Variants in MAPK4 observed in about 807,000 individuals in gnomAD.
MAPK4 encodes the protein Erk3-related.
A neutral mutation model predicts 47.7 loss-of-function variants in MAPK4; 22 were observed. The ratio of observed to expected loss-of-function variants is 0.46; its 90% CI spans 0.33 to 0.66. MAPK4 has a LOEUF of 0.66. Ranked by LOEUF, MAPK4 falls within the 30% of genes least tolerant of loss-of-function variation. MAPK4 has a pLI of 0.02. For missense variants in MAPK4, 736 were observed against 831.7 expected (o/e 0.88, Z 1.42); for synonymous variants, 390 against 365.7 (o/e 1.07, Z -0.76).
intron 1 of MAPK4, among the ~76,000 whole-genome samples, chr18:50,578,823 G>A (rs1198729042): frequency 2.0e-5 from 3 of 152,134 alleles, no homozygotes; most frequent in East Asian, 1.9e-4. Flanking sequence ...GGGCTTTCAG[G>A]GGACAAACAT....
intron 1 of MAPK4, among the ~76,000 whole-genome samples, chr18:50,624,094 T>G (rs1214295252): frequency 1.3e-5 from 2 of 152,280 alleles, no homozygotes; most frequent in East Asian, 3.8e-4. Flanking sequence ...GCTGATTTTA[T>G]TTTATCTCTG....
intron 1 of MAPK4, among the ~76,000 whole-genome samples, chr18:50,612,055 A>G (rs1238112742): frequency 2.0e-5 from 3 of 152,228 alleles, no homozygotes; most frequent in Non-Finnish European, 4.4e-5. Flanking sequence ...CTAGTACCCT[A>G]GAAGACTTCT....
At chr18:50,644,637 A>G (rs575754904) in intron 1 of MAPK4, among the ~76,000 whole-genome samples, 7 of 152,292 alleles carry the variant, frequency 4.6e-5, no homozygotes, top group Non-Finnish European at 7.3e-5. Flanking sequence ...AGTGATGCCT[A>G]ACATTTATAA....
chr18:50,632,946 C>CTAAAAACACAATGCTA (rs370818902), intron 1 of MAPK4, among the ~76,000 whole-genome samples: 3 of 80,460 alleles, frequency 3.7e-5, no homozygotes, highest in South Asian at 3.3e-4. Flanking sequence ...TACCGCTGTG[C>CTAAAAACACAATGCTA]TAAAAACACA....
At chr18:50,638,951 C>T (rs929118924) in intron 1 of MAPK4, among the ~76,000 whole-genome samples, 4 of 152,276 alleles carry the variant, frequency 2.6e-5, no homozygotes, top group East Asian at 3.9e-4. Flanking sequence ...AACAGCAGAG[C>T]CAGGGTTCCA....
At chr18:50,607,667 C>G (rs957329499) in intron 1 of MAPK4, among the ~76,000 whole-genome samples, 3 of 152,196 alleles carry the variant, frequency 2.0e-5, no homozygotes, top group African/African-American at 7.2e-5. Context: ...TCCTTAGGAA[C>G]CACTCTCAGT....
intron 1 of MAPK4, among the ~76,000 whole-genome samples, chr18:50,582,098 G>T (rs977816520): frequency 6.6e-6 from 1 of 152,190 alleles, no homozygotes; most frequent in Non-Finnish European, 1.5e-5. Flanking sequence ...CTGGCTGCTT[G>T]TTGGAGCAAC....
intron 1 of MAPK4, among the ~76,000 whole-genome samples, chr18:50,616,860 T>C (rs1430523001): frequency 6.6e-6 from 1 of 152,176 alleles, no homozygotes; most frequent in East Asian, 1.9e-4. Context: ...CCTTTCCCGG[T>C]TCCCTGACTC....
intron 1 of MAPK4, among the ~76,000 whole-genome samples, chr18:50,585,829 G>A (rs1457737798): frequency 1.3e-5 from 2 of 152,204 alleles, no homozygotes; most frequent in African/African-American, 4.8e-5. Context: ...TCTTCACATG[G>A]TGGTAGGAAG....
intron 2 of MAPK4, among the ~76,000 whole-genome samples, chr18:50,698,612 C>A (rs925993258): frequency 6.6e-6 from 1 of 152,162 alleles, no homozygotes; most frequent in Admixed American, 6.5e-5. Flanking sequence ...AAGCTTCTAC[C>A]TCCCTGCATT....
chr18:50,611,496 T>C (rs921513347), intron 1 of MAPK4, among the ~76,000 whole-genome samples: 6 of 152,242 alleles, frequency 3.9e-5, no homozygotes, highest in African/African-American at 1.4e-4. Context: ...TGGGTGCATC[T>C]TCACCAAATG....
chr18:50,697,889 G>A (rs1909594014), intron 2 of MAPK4, among the ~76,000 whole-genome samples: 1 of 152,142 alleles, frequency 6.6e-6, no homozygotes, highest in Non-Finnish European at 1.5e-5. Context: ...TGTGGAAAGG[G>A]CTTGTCAAGG....
chr18:50,650,205 C>T (rs993394165), intron 1 of MAPK4, among the ~76,000 whole-genome samples: 1 of 152,324 alleles, frequency 6.6e-6, no homozygotes, highest in East Asian at 1.9e-4. Flanking sequence ...GAGAATACTC[C>T]GTCTCTGTGT....
chr18:50,729,893 C>G lies in MAPK4; in HGVS notation c.*39C>G, dbSNP rs369768996. The stretch of plus-strand genomic sequence containing the variant: ...GCTCCAGGCCCCACAGAGCAGGAGA[C>G]CCCCAGAGAAAGCCGGGGCTGGCAG... On this transcript the variant is annotated 3_prime_UTR_variant, in exon 6 of 6. Transcript: ENST00000400384. 5 of 1,499,326 alleles carry G rather than the reference C, an allele frequency of 3.3e-6. No individual in the cohort carries two copies. In the East Asian group the frequency reaches 7.2e-5, roughly 22 times the overall value. The allele number at this position is 1,499,326 out of a possible 1,614,324, so 92.9% of individuals were successfully genotyped here. A position where few individuals can be genotyped will look rare whatever the true frequency, so the allele number is the denominator to read the frequency against.
intron 1 of MAPK4, among the ~76,000 whole-genome samples, chr18:50,587,690 A>G (rs531376687): frequency 4.6e-5 from 7 of 152,264 alleles, no homozygotes; most frequent in African/African-American, 1.4e-4. Context: ...ACTTCACAGC[A>G]GGGTTTGGAA....
intron 1 of MAPK4, among the ~76,000 whole-genome samples, chr18:50,605,012 A>G (rs1157249355): frequency 6.6e-6 from 1 of 152,254 alleles, no homozygotes; most frequent in Non-Finnish European, 1.5e-5. Context: ...GATGGTAGTT[A>G]CAGCCTGACA....
At chr18:50,638,523 G>A (rs1434778913) in intron 1 of MAPK4, among the ~76,000 whole-genome samples, 5 of 152,160 alleles carry the variant, frequency 3.3e-5, no homozygotes, top group African/African-American at 1.2e-4. Context: ...ATTTACTGCC[G>A]GGTGTCACTT....
At chr18:50,569,062 T>C (rs2042227642) in intron 1 of MAPK4, among the ~76,000 whole-genome samples, 1 of 152,234 alleles carries the variant, frequency 6.6e-6, no homozygotes, top group African/African-American at 2.4e-5. Context: ...TTTTGTCCTG[T>C]CTTTTGTTTG....
intron 2 of MAPK4, among the ~76,000 whole-genome samples, chr18:50,707,280 T>C (rs1216040828): frequency 6.6e-6 from 1 of 151,762 alleles, no homozygotes; most frequent in Non-Finnish European, 1.5e-5. Context: ...ATGAAAAGAG[T>C]TCTTGGCTGG....
Sources: gnomAD v4.1 joint callset for allele counts (sites outside exome capture counted in the v4.1 genomes callset) on GRCh38, gnomAD v4.1.1 for gene constraint, MANE v1.5 for transcripts, NCBI Gene and HGNC (gene_info 2026-07-23, HGNC 2026-07-21) for gene names.